The following THADA variants were observed in gnomAD, a reference collection of about 807,000 sequenced individuals.
THADA encodes THADA armadillo repeat containing.
In THADA, 213 loss-of-function variants were observed where a neutral mutation model predicts 219.8. The observed-to-expected ratio is 0.97, with a 90% confidence interval of 0.87 to 1.09. The LOEUF is 1.09. THADA is among the 50% of genes least tolerant of loss of function. The pLI is 0.00. For missense variants in THADA, 2,956 were observed against 2,311.3 expected (o/e 1.28, Z -5.72); for synonymous variants, 1,018 against 828.9 (o/e 1.23, Z -3.92).
intron 29 of THADA, among the ~76,000 whole-genome samples, chr2:43,365,976 C>G (rs1006652544): frequency 6.6e-6 from 1 of 152,120 alleles, no homozygotes; most frequent in Non-Finnish European, 1.5e-5. Context: ...TATGTGGGAG[C>G]AGGGTCTAAA....
chr2:43,331,722 A>G (rs183003095), intron 30 of THADA, among the ~76,000 whole-genome samples: 4 of 152,118 alleles, frequency 2.6e-5, no homozygotes, highest in African/African-American at 9.6e-5. Flanking sequence ...GGTGTTTCCA[A>G]ATCACACTCT....
intron 31 of THADA, among the ~76,000 whole-genome samples, chr2:43,307,399 T>C (rs959601497): frequency 8.6e-5 from 13 of 151,802 alleles, no homozygotes; most frequent in Admixed American, 7.2e-4. Context: ...CCTGTGAATC[T>C]TTCAGCTGAA....
intron 36 of THADA, among the ~76,000 whole-genome samples, chr2:43,255,423 C>A (rs1670206752): frequency 6.6e-6 from 1 of 152,204 alleles, no homozygotes; most frequent in Non-Finnish European, 1.5e-5. Flanking sequence ...TTACAAGAGG[C>A]TTTGATCCTG....
At chr2:43,327,621 A>G (rs1368565909) in intron 30 of THADA, among the ~76,000 whole-genome samples, 4 of 152,146 alleles carry the variant, frequency 2.6e-5, no homozygotes, top group Admixed American at 2.0e-4. Context: ...ATTCACTTCA[A>G]GCTGGGTTTA....
chr2:43,457,856 T>C (rs1035776840), intron 26 of THADA, among the ~76,000 whole-genome samples: 8 of 152,068 alleles, frequency 5.3e-5, no homozygotes, highest in African/African-American at 1.4e-4. Context: ...CATTATAAAG[T>C]CTATTCCATT....
chr2:43,383,496 C>T (rs553120978), intron 29 of THADA, among the ~76,000 whole-genome samples: 2 of 152,308 alleles, frequency 1.3e-5, no homozygotes, highest in East Asian at 1.9e-4. Context: ...AAGGCATAAC[C>T]AATCACCGAA....
At chr2:43,414,315 C>T (rs2104769062) in intron 28 of THADA, among the ~76,000 whole-genome samples, 1 of 152,308 alleles carries the variant, frequency 6.6e-6, no homozygotes, top group East Asian at 1.9e-4. Flanking sequence ...TACCAAGAAG[C>T]TTTATTTTAG....
chr2:43,364,600 G>T (rs937897727), intron 29 of THADA, among the ~76,000 whole-genome samples: 1 of 152,168 alleles, frequency 6.6e-6, no homozygotes, highest in Non-Finnish European at 1.5e-5. Context: ...TATATATACT[G>T]ACACCATGTA....
chr2:43,370,271 A>T (rs1455459328), intron 29 of THADA: 4 of 152,228 alleles, frequency 2.6e-5, no homozygotes, highest in Non-Finnish European at 5.9e-5. Flanking sequence ...GACTGCCTAG[A>T]TTTCTCATAA....
At chr2:43,507,605 A>G (rs1345658824) in intron 23 of THADA, among the ~76,000 whole-genome samples, 1 of 152,234 alleles carries the variant, frequency 6.6e-6, no homozygotes, top group Admixed American at 6.5e-5. Context: ...TCACCAAAAA[A>G]TCATAAAGGG....
At chr2:43,359,393 T>C (rs1205180767) in intron 29 of THADA, among the ~76,000 whole-genome samples, 1 of 152,204 alleles carries the variant, frequency 6.6e-6, no homozygotes, top group Non-Finnish European at 1.5e-5. Context: ...AAAAAACCTT[T>C]TCATGGCTGG....
chr2:43,232,949 G>A, intron 36 of THADA, 67 bp from the exon 37 acceptor site: 1 of 1,488,530 alleles, frequency 6.7e-7, no homozygotes, highest in Non-Finnish European at 9.1e-7. Flanking sequence ...GCAGCCTGCA[G>A]GACCCTGGGA....
At chr2:43,479,361 G>A (rs548587199) in intron 26 of THADA, among the ~76,000 whole-genome samples, 1 of 152,162 alleles carries the variant, frequency 6.6e-6, no homozygotes, top group African/African-American at 2.4e-5. Flanking sequence ...TAACTTTTCT[G>A]CACCTCAATT....
intron 21 of THADA, among the ~76,000 whole-genome samples, chr2:43,535,957 A>G (rs975646187): frequency 3.3e-5 from 5 of 152,006 alleles, no homozygotes; most frequent in East Asian, 3.9e-4. Context: ...GGTGCACACC[A>G]CACGCCCAGC....
chr2:43,532,257 C>T (rs1693977371), intron 21 of THADA, among the ~76,000 whole-genome samples: 3 of 151,484 alleles, frequency 2.0e-5, no homozygotes, highest in Admixed American at 2.0e-4. Context: ...TACTAAAATA[C>T]AAAATACTAG....
chr2:43,312,438 A>C (rs1024751445), intron 31 of THADA, among the ~76,000 whole-genome samples: 3 of 152,188 alleles, frequency 2.0e-5, no homozygotes, highest in Admixed American at 6.5e-5. Flanking sequence ...ACCTTGGGTA[A>C]GTCACTTAAA....
At chr2:43,567,697 T>G (rs901237463) in intron 14 of THADA, among the ~76,000 whole-genome samples, 1 of 152,216 alleles carries the variant, frequency 6.6e-6, no homozygotes, top group Admixed American at 6.5e-5. Flanking sequence ...TTAATATAGT[T>G]CTTGTTTCCT....
intron 26 of THADA, among the ~76,000 whole-genome samples, chr2:43,482,902 A>G (rs1007420944): frequency 1.3e-5 from 2 of 152,230 alleles, no homozygotes; most frequent in Admixed American, 1.3e-4. Flanking sequence ...AGGAGTAGAC[A>G]GCACAGATCT....
intron 31 of THADA, among the ~76,000 whole-genome samples, chr2:43,305,548 T>C (rs1460389337): frequency 6.6e-6 from 1 of 152,186 alleles, no homozygotes; most frequent in Non-Finnish European, 1.5e-5. Flanking sequence ...CTCAAAGGCA[T>C]GTATTTTTCA....
Sources: gnomAD v4.1 joint callset for allele counts (sites outside exome capture counted in the v4.1 genomes callset) on GRCh38, gnomAD v4.1.1 for gene constraint, MANE v1.5 for transcripts, NCBI Gene and HGNC (gene_info 2026-07-23, HGNC 2026-07-21) for gene names.